Variants in LRBA observed in about 807,000 individuals in gnomAD.
LRBA encodes the protein lipopolysaccharide-responsive and beige-like anchor protein.
In LRBA, 176 loss-of-function variants were observed where a neutral mutation model predicts 330.0. The ratio of observed to expected loss-of-function variants is 0.53; its 90% CI spans 0.47 to 0.60. The LOEUF (loss-of-function observed/expected upper bound fraction) is 0.60, where lower values mean the gene tolerates loss of function less well. Ranked by LOEUF, LRBA falls within the 20% of genes least tolerant of loss-of-function variation. LRBA has a pLI of 0.00. For missense variants in LRBA, 3,259 were observed against 3,444.8 expected, an observed-to-expected ratio of 0.95 and a Z score of 1.35; for synonymous variants, 1,230 against 1,193.0, an observed-to-expected ratio of 1.03 and a Z score of -0.64.
At chr4:150,723,955 C>A (rs1729307483) in intron 36 of LRBA, among the ~76,000 whole-genome samples, 1 of 152,124 alleles carries the variant, frequency 6.6e-6, no homozygotes, top group South Asian at 2.1e-4. Context: ...TGGGGGTGGC[C>A]ACAGGGAAAG....
intron 2 of LRBA, among the ~76,000 whole-genome samples, chr4:150,982,602 CAAAA>C (rs202226194): frequency 2.6e-5 from 3 of 117,002 alleles, no homozygotes; most frequent in Admixed American, 8.9e-5. Flanking sequence ...TTGTATTTGC[CAAAA>C]AAAAAAAAAA....
At chr4:150,482,285 A>G (rs1480589309) in intron 42 of LRBA, among the ~76,000 whole-genome samples, 1 of 152,116 alleles carries the variant, frequency 6.6e-6, no homozygotes, top group East Asian at 1.9e-4. Flanking sequence ...ATGGAATCAT[A>G]CAACATGCAG....
At chr4:150,855,527 T>C (rs1052275844) in intron 22 of LRBA, among the ~76,000 whole-genome samples, 3 of 152,324 alleles carry the variant, frequency 2.0e-5, no homozygotes, top group East Asian at 3.9e-4. Context: ...CATGAGTATA[T>C]GTAATTTATA....
chr4:150,637,745 A>C (rs1581883261), intron 37 of LRBA, among the ~76,000 whole-genome samples: 1 of 152,182 alleles, frequency 6.6e-6, no homozygotes, highest in African/African-American at 2.4e-5. Flanking sequence ...CCTTCAGATG[A>C]GAACCCAGCC....
At position 150,625,507 on chromosome 4, in the gene LRBA, T is replaced by C. The variant is rs542941327; in HGVS notation, c.5922-26376A>G. Among the ~76,000 whole-genome samples, 9 of 152,186 alleles carry C rather than the reference T, an allele frequency of 5.9e-5. No homozygotes were observed. In the East Asian group the frequency reaches 1.7e-3, roughly 29 times the overall value. The stretch of plus-strand genomic sequence containing the variant: ...ATTATATGCAGCTATGCTCAATATC[T>C]TAATCTAACTTGAAAACCTGCTCCA... On this transcript the variant is annotated intron_variant, in intron 37 of 56. Transcript: ENST00000651943.
Position 150,914,352 on chromosome 4 carries a change from A to G in LRBA, c.1015-11T>C. 2 of 1,415,046 alleles carry G rather than the reference A, an allele frequency of 1.4e-6. No individual in the cohort carries two copies. Among genetic ancestry groups the G allele is most frequent in the Non-Finnish European group, 1.9e-6 (2 of 1,065,616 alleles). The allele number at this position is 1,415,046 out of a possible 1,614,324, so 87.7% of individuals were successfully genotyped here. A position where few individuals can be genotyped will look rare whatever the true frequency, so the allele number is the denominator to read the frequency against. On this transcript the variant is annotated splice_polypyrimidine_tract_variant and intron_variant, in intron 8 of 56. Transcript: ENST00000651943. ...ACATTTGTCAAAGGTCTGTAAAAGA[A>G]AAAAAAAAAGGAATTAGGAAAAAAC... is the stretch of plus-strand genomic sequence containing the variant.
intron 31 of LRBA, among the ~76,000 whole-genome samples, chr4:150,811,734 GCTTCAGGTGATT>G (rs1162496350): frequency 6.6e-6 from 1 of 152,028 alleles, no homozygotes; most frequent in Non-Finnish European, 1.5e-5. Context: ...TGAACTCCTG[GCTTCAGGTGATT>G]CTTCCACCCC....
Position 150,893,157 on chromosome 4 carries a change from C to A in LRBA, c.2068-8G>T. The A allele has an allele frequency of 6.5e-7, 1 of 1,550,246 alleles. No individual in the cohort carries two copies. Among genetic ancestry groups the A allele is most frequent in the Non-Finnish European group, 8.8e-7 (1 of 1,137,684 alleles). Reference sequence around the variant, plus strand: ...ATCCATTAGATTGTCATCCTATAATCATTTTAGAAATTTTTTTTAAAAAAT... The same window carrying A: ...ATCCATTAGATTGTCATCCTATAATAATTTTAGAAATTTTTTTTAAAAAAT... On this transcript the variant is annotated splice_polypyrimidine_tract_variant and splice_region_variant and intron_variant, in intron 16 of 56. Transcript: ENST00000651943.
intron 28 of LRBA, among the ~76,000 whole-genome samples, chr4:150,832,806 A>G (rs1747394852): frequency 6.6e-6 from 1 of 152,038 alleles, no homozygotes; most frequent in Non-Finnish European, 1.5e-5. Flanking sequence ...GCCCCACTCC[A>G]TTGCTCAGGC....
At chr4:150,645,227 AT>A (rs1779018054) in intron 37 of LRBA, among the ~76,000 whole-genome samples, 1 of 151,252 alleles carries the variant, frequency 6.6e-6, no homozygotes, top group African/African-American at 2.4e-5. Context: ...TGAGAAAAAA[AT>A]AACTACTATT....
intron 40 of LRBA, among the ~76,000 whole-genome samples, chr4:150,554,995 A>C (rs926128556): frequency 2.6e-5 from 4 of 152,172 alleles, no homozygotes; most frequent in African/African-American, 9.6e-5. Flanking sequence ...AGCTGGGGGA[A>C]GGAAGGATAC....
chr4:150,860,795 G>A (rs1050711578), intron 22 of LRBA, among the ~76,000 whole-genome samples: 15 of 151,204 alleles, frequency 9.9e-5, no homozygotes, highest in African/African-American at 3.4e-4. Flanking sequence ...GCCACAGGGC[G>A]ACAGAGCGAG....
At chr4:150,761,157 A>C (rs141156776) in intron 35 of LRBA, among the ~76,000 whole-genome samples, 1 of 152,174 alleles carries the variant, frequency 6.6e-6, no homozygotes, top group Non-Finnish European at 1.5e-5. Context: ...AATCAGACAA[A>C]AAGTGGTCCA....
intron 46 of LRBA, among the ~76,000 whole-genome samples, chr4:150,431,314 T>C (rs1161589531): frequency 6.6e-6 from 1 of 152,222 alleles, no homozygotes; most frequent in East Asian, 1.9e-4. Flanking sequence ...ACTAATTGTC[T>C]GTTTATTTTT....
At chr4:150,271,573 C>G (rs1490043324) in intron 56 of LRBA, among the ~76,000 whole-genome samples, 1 of 133,440 alleles carries the variant, frequency 7.5e-6, no homozygotes, top group Admixed American at 7.1e-5. Flanking sequence ...CGGTGGGTCC[C>G]ACTCCCATGG....
intron 40 of LRBA, 81 bp downstream of exon 40, chr4:150,587,966 GT>G: frequency 7.0e-7 from 1 of 1,430,514 alleles, no homozygotes; most frequent in East Asian, 2.4e-5. Flanking sequence ...AACTAAGCCT[GT>G]CAGATTTACC....
intron 29 of LRBA, among the ~76,000 whole-genome samples, chr4:150,829,824 CT>C (rs202050800): frequency 0.25 from 13,623 of 54,554 alleles, 1,061 homozygotes; most frequent in East Asian, 0.36. Flanking sequence ...TCTTACATGT[CT>C]AAAAAAACCT....
intron 40 of LRBA, among the ~76,000 whole-genome samples, chr4:150,517,310 C>T (rs1277700915): frequency 6.6e-6 from 1 of 152,006 alleles, no homozygotes; most frequent in Non-Finnish European, 1.5e-5. Flanking sequence ...CTGCTTGAGC[C>T]CAGGAGTTCG....
At chr4:150,489,636 A>G (rs1460400377) in intron 41 of LRBA, among the ~76,000 whole-genome samples, 2 of 103,160 alleles carry the variant, frequency 1.9e-5, no homozygotes, top group African/African-American at 3.7e-5. Flanking sequence ...TATAATATAT[A>G]AGAATATATA....
Sources: gnomAD v4.1 joint callset for allele counts (sites outside exome capture counted in the v4.1 genomes callset) on GRCh38, gnomAD v4.1.1 for gene constraint, MANE v1.5 for transcripts, NCBI Gene and HGNC (gene_info 2026-07-23, HGNC 2026-07-21) for gene names.